The following SOX6 variants were observed in gnomAD, a reference collection of about 807,000 sequenced individuals.
SOX6 encodes the protein transcription factor SOX-6.
SOX6 carries 11 observed loss-of-function variants against 97.8 expected under a neutral mutation model. That is an observed-to-expected ratio of 0.11 (90% CI 0.07 to 0.19). The LOEUF is 0.19. Ranked by LOEUF, SOX6 falls within the 10% of genes least tolerant of loss-of-function variation. The probability of loss-of-function intolerance (pLI) is 1.00; values close to 1 mark genes in which losing one functional copy is unlikely to be tolerated. For synonymous variants in SOX6, 360 were observed against 371.4 expected, an observed-to-expected ratio of 0.97 and a Z score of 0.35; for missense variants, 810 against 1,039.5, an observed-to-expected ratio of 0.78 and a Z score of 3.04.
At chr11:16,399,400 A>C (rs1204659556) in intron 1 of SOX6, among the ~76,000 whole-genome samples, 1 of 150,602 alleles carries the variant, frequency 6.6e-6, no homozygotes, top group Non-Finnish European at 1.5e-5. Context: ...CACTCTATTG[A>C]CCAAGTTGGA....
At chr11:16,717,574 G>A (rs566898303) in intron 2 of SOX6, among the ~76,000 whole-genome samples, 2 of 152,124 alleles carry the variant, frequency 1.3e-5, no homozygotes, top group Non-Finnish European at 2.9e-5. Context: ...GGTAACCTAT[G>A]TCCTTTGTAT....
intron 4 of SOX6, among the ~76,000 whole-genome samples, chr11:16,540,439 C>G (rs954101918): frequency 1.3e-5 from 2 of 152,044 alleles, no homozygotes; most frequent in African/African-American, 4.8e-5. Context: ...CTCACCACTC[C>G]TATTCAACAT....
intron 1 of SOX6, among the ~76,000 whole-genome samples, chr11:16,444,805 G>A (rs1859581658): frequency 6.6e-6 from 1 of 152,122 alleles, no homozygotes; most frequent in South Asian, 2.1e-4. Flanking sequence ...ATAGTTGAAT[G>A]GATTTAAAAA....
Position 16,399,018 on chromosome 11 carries a change from A to C in SOX6, c.-4-57766T>G, listed in dbSNP as rs1481058078. Among the ~76,000 whole-genome samples, 3 of 151,556 alleles carry C rather than the reference A, an allele frequency of 2.0e-5. No individual in the cohort carries two copies. The East Asian group carries it at 5.8e-4, about 29-fold the overall frequency. ...AAGGTTAAAGTGACTAAAACAAAGAAAAGACATTACTGAACTAGTAGAACT... is the reference window on the plus strand; with the variant it reads ...AAGGTTAAAGTGACTAAAACAAAGACAAGACATTACTGAACTAGTAGAACT... On this transcript the variant is annotated intron_variant, in intron 1 of 15. Coordinates refer to the SOX6 transcript ENST00000396356.
In SOX6 at chr11:16,673,568, G is replaced by A. The variant is rs575129690; in HGVS notation, n.429+41262C>T. 5.3e-5 allele frequency among the ~76,000 whole-genome samples: 8 copies of A among 152,114 alleles called. No individual in the cohort carries two copies. In the South Asian group the frequency reaches 8.3e-4, roughly 16 times the overall value. ...CAAGATTGAGCCATGAAGAAATCTCGAACAGACTAATAACAAGTAATGGGC... is the reference window on the plus strand; with the variant it reads ...CAAGATTGAGCCATGAAGAAATCTCAAACAGACTAATAACAAGTAATGGGC... On this transcript the variant is annotated intron_variant and non_coding_transcript_variant, in intron 3 of 5. Coordinates refer to the SOX6 transcript ENST00000524520.
At chr11:16,384,037 T>A (rs1857905601) in intron 1 of SOX6, among the ~76,000 whole-genome samples, 2 of 151,980 alleles carry the variant, frequency 1.3e-5, no homozygotes, top group African/African-American at 4.8e-5. Flanking sequence ...ATGTTTGTAG[T>A]GATAGATGAG....
chr11:16,434,441 C>T (rs1859333912), intron 1 of SOX6: 1 of 152,154 alleles, frequency 6.6e-6, no homozygotes, highest in Non-Finnish European at 1.5e-5. Flanking sequence ...ATGGGGCTTG[C>T]TCTTTCTTTG....
At chr11:16,686,131 G>C (rs1847967399) in intron 3 of SOX6, among the ~76,000 whole-genome samples, 1 of 152,214 alleles carries the variant, frequency 6.6e-6, no homozygotes, top group South Asian at 2.1e-4. Context: ...TGATGGAAGG[G>C]GTTGCCACAA....
At chr11:16,254,723 C>T (rs138228921) in intron 3 of SOX6, among the ~76,000 whole-genome samples, 80 of 151,778 alleles carry the variant, frequency 5.3e-4, no homozygotes, top group South Asian at 1.0e-3. Flanking sequence ...TAAAAATGAA[C>T]GACAAGGACA....
intron 2 of SOX6, among the ~76,000 whole-genome samples, chr11:16,718,630 A>T (rs1362307699): frequency 6.6e-6 from 1 of 152,200 alleles, no homozygotes; most frequent in East Asian, 1.9e-4. Context: ...GAAACACTGT[A>T]TTCCAAGGTC....
intron 6 of SOX6, among the ~76,000 whole-genome samples, chr11:16,139,808 A>G (rs975370174): frequency 6.6e-6 from 1 of 151,930 alleles, no homozygotes; most frequent in Non-Finnish European, 1.5e-5. Context: ...ACTTCTCTCT[A>G]TATAGATATG....
chr11:15,999,736 G>A (rs1464027163), intron 13 of SOX6, among the ~76,000 whole-genome samples: 1 of 152,096 alleles, frequency 6.6e-6, no homozygotes, highest in Non-Finnish European at 1.5e-5. Flanking sequence ...TGCTTATGAA[G>A]AGAAAGAGAC....
chr11:16,132,493 A>AAGCAAGCAAGC (rs1554934056), intron 6 of SOX6, among the ~76,000 whole-genome samples: 6 of 107,508 alleles, frequency 5.6e-5, no homozygotes, highest in African/African-American at 1.4e-4. Context: ...AGAAAGAAAG[A>AAGCAAGCAAGC]AAGAAAGAAA....
chr11:16,496,491 C>T (rs187056087), intron 4 of SOX6, among the ~76,000 whole-genome samples: 1 of 152,312 alleles, frequency 6.6e-6, no homozygotes, highest in East Asian at 1.9e-4. Context: ...GGGTGCAATG[C>T]ACCGAGCATG....
At chr11:16,566,604 T>TA (rs1181160942) in intron 4 of SOX6, among the ~76,000 whole-genome samples, 1 of 152,234 alleles carries the variant, frequency 6.6e-6, no homozygotes, top group Non-Finnish European at 1.5e-5. Context: ...CCCAGCTCTT[T>TA]ACCGTCAAGA....
intron 4 of SOX6, among the ~76,000 whole-genome samples, chr11:16,561,754 G>A (rs11603503): frequency 0.38 from 58,216 of 151,836 alleles, 12,366 homozygotes; most frequent in Non-Finnish European, 0.46. Context: ...TTAATAGATG[G>A]TCTCTCACTC....
At chr11:16,185,351 G>A (rs577012981) in intron 5 of SOX6, among the ~76,000 whole-genome samples, 3 of 152,120 alleles carry the variant, frequency 2.0e-5, no homozygotes, top group Non-Finnish European at 4.4e-5. Flanking sequence ...ATAGATGCTG[G>A]ATCCTCTGAA....
chr11:16,468,582 A>G (rs1320634287), intron 1 of SOX6, among the ~76,000 whole-genome samples: 2 of 152,126 alleles, frequency 1.3e-5, no homozygotes, highest in African/African-American at 4.8e-5. Flanking sequence ...AGCTTCTTTG[A>G]TCGGCACCCA....
chr11:16,284,162 A>G (rs1436044819), intron 3 of SOX6, among the ~76,000 whole-genome samples: 2 of 152,132 alleles, frequency 1.3e-5, no homozygotes, highest in African/African-American at 2.4e-5. Context: ...ACAGTAGAGA[A>G]CTGGGTGTTC....
Sources: allele counts gnomAD v4.1 joint callset (sites outside exome capture counted in the v4.1 genomes callset), GRCh38; gene constraint gnomAD v4.1.1; transcripts MANE v1.5; gene names NCBI Gene and HGNC (gene_info 2026-07-23, HGNC 2026-07-21).